TFG: variants seen among roughly 807,000 people sequenced by gnomAD.
The protein encoded by TFG is trafficking from ER to golgi regulator.
Under a neutral mutation model 51.4 loss-of-function variants are expected in TFG, and 22 were observed. That is an observed-to-expected ratio of 0.43 (90% CI 0.31 to 0.61). The LOEUF (loss-of-function observed/expected upper bound fraction) is 0.61, where lower values mean the gene tolerates loss of function less well. TFG is among the 20% of genes least tolerant of loss of function. The pLI, the probability that TFG is intolerant of heterozygous loss-of-function variation, is 0.12. For missense variants in TFG, 419 were observed against 487.7 expected, an observed-to-expected ratio of 0.86 and a Z score of 1.33; for synonymous variants, 187 against 165.6, an observed-to-expected ratio of 1.13 and a Z score of -0.99.
rs146081098 is a variant in TFG at position 100,731,083 on chromosome 3, G to A, written c.416-1425G>A. On this transcript the variant is annotated intron_variant, in intron 4 of 7. Coordinates refer to ENST00000240851, the MANE Select transcript of TFG (RefSeq NM_006070.6). ...TGAGCTGCCAGCCAGTGTGTGCTGT[G>A]GGTACTTATATTCGGTTTAGCACTT... Among the ~76,000 whole-genome samples, 35 of 152,242 alleles carry A rather than the reference G, an allele frequency of 2.3e-4. No individual in the cohort carries two copies. The East Asian group carries it at 6.0e-3, about 26-fold the overall frequency.
At chr3:100,722,235 A>C (rs1285114500) in intron 3 of TFG, among the ~76,000 whole-genome samples, 1 of 152,236 alleles carries the variant, frequency 6.6e-6, no homozygotes, top group African/African-American at 2.4e-5. Context: ...TAAAGAACTT[A>C]AAGTAACTTG....
rs200957255 is a variant in TFG at position 100,735,903 on chromosome 3, A to AAT, written c.581-672_581-671insTA. ...AGAGCTATTCAGAAATGCAAAGTAGAAGTCAGTATGAGTTAACAAAAGTAA... is the reference window on the plus strand; with the variant it reads ...AGAGCTATTCAGAAATGCAAAGTAGAATAGTCAGTATGAGTTAACAAAAGTAA... On this transcript the variant is annotated intron_variant, in intron 5 of 7. Coordinates refer to ENST00000240851, the MANE Select transcript of TFG (RefSeq NM_006070.6). 2.6e-5 allele frequency among the ~76,000 whole-genome samples: 4 copies of AAT among 152,332 alleles called. No individual in the cohort carries two copies. In the East Asian group the frequency reaches 5.8e-4, roughly 22 times the overall value.
chr3:100,734,796 T>G (rs970474228), intron 5 of TFG, among the ~76,000 whole-genome samples: 3 of 152,198 alleles, frequency 2.0e-5, no homozygotes, highest in Non-Finnish European at 4.4e-5. Flanking sequence ...TTGATTTAAA[T>G]GTAGTATATT....
chr3:100,739,835 C>A (rs962599559), intron 6 of TFG, among the ~76,000 whole-genome samples: 17 of 152,010 alleles, frequency 1.1e-4, no homozygotes, highest in African/African-American at 4.1e-4. Flanking sequence ...TTAATATAAC[C>A]ACCATGCTGT....
rs549319927 is a variant in TFG at position 100,725,406 on chromosome 3, T to C, written c.269-3306T>C. On this transcript the variant is annotated intron_variant, in intron 3 of 7. Transcript: ENST00000240851. Reference sequence around the variant, plus strand: ...TTAAAATCAAGTAGGGGAATGGGTTTTGAGGAAAGGTACTCTGGGAGATTT... The same window carrying C: ...TTAAAATCAAGTAGGGGAATGGGTTCTGAGGAAAGGTACTCTGGGAGATTT... Among the ~76,000 whole-genome samples the C allele has an allele frequency of 3.3e-5, 5 of 152,192 alleles. No individual in the cohort carries two copies. The East Asian group carries it at 9.6e-4, about 29-fold the overall frequency.
chr3:100,747,727 A>C (rs9817550), intron 7 of TFG, among the ~76,000 whole-genome samples: 2,744 of 152,242 alleles, frequency 0.018, 78 homozygotes, highest in African/African-American at 0.062. Flanking sequence ...GTACAATAAG[A>C]TGTATTTATA....
At chr3:100,733,585 A>G (rs1209859222) in intron 5 of TFG, among the ~76,000 whole-genome samples, 3 of 152,276 alleles carry the variant, frequency 2.0e-5, no homozygotes, top group Admixed American at 2.0e-4. Flanking sequence ...ATTTGGAGTC[A>G]GTTTCTATTG....
chr3:100,712,956 A>C (rs755013539), intron 1 of TFG, among the ~76,000 whole-genome samples: 3 of 152,252 alleles, frequency 2.0e-5, no homozygotes, highest in Non-Finnish European at 4.4e-5. Flanking sequence ...AAATGAAGTT[A>C]AATACTTGGC....
In TFG at chr3:100,713,807, A is replaced by G. The variant is rs1224373341; in HGVS notation, c.122A>G (p.Gln41Arg). ...TATGATGAATTAGTGCTAATGATGCAACGAGTTTTCAGAGGAAAACTTCTG... is the reference window on the plus strand; with the variant it reads ...TATGATGAATTAGTGCTAATGATGCGACGAGTTTTCAGAGGAAAACTTCTG... ...ITYDELVLMM[Q>R]RVFRGKLLSN... is the part of the protein sequence containing the mutation. Residue 41 changes from glutamine (Q) to arginine (R), a missense_variant, in exon 2 of 8, where the codon CAA (glutamine) becomes CGA (arginine). Coordinates refer to ENST00000240851, the MANE Select transcript of TFG (RefSeq NM_006070.6). The G allele has an allele frequency of 1.3e-6, 2 of 1,598,870 alleles. No individual in the cohort carries two copies. The highest frequency in any genetic ancestry group is 1.7e-6 in the Non-Finnish European group (2 of 1,169,520).
chr3:100,748,759 A>C lies in TFG; in HGVS notation c.*228A>C. On this transcript the variant is annotated 3_prime_UTR_variant, in exon 8 of 8. Coordinates refer to ENST00000240851, the MANE Select transcript of TFG (RefSeq NM_006070.6). Reference sequence around the variant, plus strand: ...GTAGCAGCTTCTTAGTTACTTTGGAACACTACTCTTACATGTATAAAGTGA... The same window carrying C: ...GTAGCAGCTTCTTAGTTACTTTGGACCACTACTCTTACATGTATAAAGTGA... 1.9e-6 allele frequency: 1 copy of C among 518,592 alleles called. No homozygotes were observed. The highest frequency in any genetic ancestry group is 3.4e-6 in the Non-Finnish European group (1 of 295,492). The allele number at this position is 518,592 out of a possible 1,614,324, so 32.1% of individuals were successfully genotyped here.
intron 6 of TFG, among the ~76,000 whole-genome samples, chr3:100,742,047 G>A (rs897544289): frequency 1.3e-5 from 2 of 152,150 alleles, no homozygotes; most frequent in Non-Finnish European, 2.9e-5. Flanking sequence ...TATAAACAAT[G>A]TCTGCATTTT....
At chr3:100,729,376 T>C (rs1395192077) in intron 4 of TFG, among the ~76,000 whole-genome samples, 2 of 152,216 alleles carry the variant, frequency 1.3e-5, no homozygotes, top group Non-Finnish European at 2.9e-5. Context: ...AAAGAAAAAC[T>C]AATTTTTTCC....
intron 6 of TFG, among the ~76,000 whole-genome samples, chr3:100,741,864 T>G (rs1191548804): frequency 1.3e-5 from 2 of 152,200 alleles, no homozygotes; most frequent in African/African-American, 4.8e-5. Flanking sequence ...AGGAACATGC[T>G]CTACAGGTTT....
intron 3 of TFG, among the ~76,000 whole-genome samples, 187 bp downstream of exon 3, chr3:100,720,245 A>G (rs543679063): frequency 2.5e-4 from 38 of 152,188 alleles, no homozygotes; most frequent in South Asian, 6.2e-4. Flanking sequence ...AGAAAATGAT[A>G]GAAGTTTAAT....
In TFG at chr3:100,748,447, T is replaced by C; in HGVS notation, c.1119T>C (p.Pro373=). 1 of 1,614,052 alleles carries C rather than the reference T, an allele frequency of 6.2e-7. No individual in the cohort carries two copies. The highest frequency in any genetic ancestry group is 8.5e-7 in the Non-Finnish European group (1 of 1,179,982). Reference sequence around the variant, plus strand: ...CACTTCCTGGAAGTACCATGACCCCTCCTCCAAGTGGGCCTAATCCTTATG... The same window carrying C: ...CACTTCCTGGAAGTACCATGACCCCCCCTCCAAGTGGGCCTAATCCTTATG... ...FTSLPGSTMT[P]PPSGPNPYAR... is the part of the protein sequence containing the mutation. Residue 373 remains proline, a synonymous_variant, in exon 8 of 8, where the codon CCT becomes CCC. Coordinates refer to ENST00000240851, the MANE Select transcript of TFG (RefSeq NM_006070.6).
chr3:100,744,024 A>G (rs1392089199), intron 6 of TFG: 1 of 152,144 alleles, frequency 6.6e-6, no homozygotes, highest in Non-Finnish European at 1.5e-5. Flanking sequence ...TAAAGACATA[A>G]ACCAATAAAT....
chr3:100,718,341 A>C (rs2149064341), intron 2 of TFG, among the ~76,000 whole-genome samples: 1 of 152,270 alleles, frequency 6.6e-6, no homozygotes, highest in African/African-American at 2.4e-5. Flanking sequence ...ATTTTCTTTA[A>C]TAGATCAGAG....
At chr3:100,714,363 T>C (rs2095039668) in intron 2 of TFG, among the ~76,000 whole-genome samples, 1 of 151,940 alleles carries the variant, frequency 6.6e-6, no homozygotes, top group Non-Finnish European at 1.5e-5. Flanking sequence ...TAGCTGGGCG[T>C]GGTGGTGTGC....
At chr3:100,744,810 T>C (rs376274130) in intron 6 of TFG, 23 bp from the exon 7 acceptor site, 17 of 1,460,356 alleles carry the variant, frequency 1.2e-5, no homozygotes, top group Non-Finnish European at 1.6e-5. Context: ...TTTTTCCTTG[T>C]GTGTGTGTGT....
Sources: allele counts gnomAD v4.1 joint callset (sites outside exome capture counted in the v4.1 genomes callset), GRCh38; gene constraint gnomAD v4.1.1; transcripts MANE v1.5; gene names NCBI Gene and HGNC (gene_info 2026-07-23, HGNC 2026-07-21).